MCPH1: variants seen among roughly 807,000 people sequenced by gnomAD.
MCPH1 encodes the protein microcephalin.
In MCPH1, 104 loss-of-function variants were observed where a neutral mutation model predicts 84.5. That is an observed-to-expected ratio of 1.23 (90% confidence interval 1.05 to 1.45). The LOEUF (loss-of-function observed/expected upper bound fraction) is 1.45, where lower values mean the gene tolerates loss of function less well. Among genes scored for constraint, MCPH1 ranks in the 40% most tolerant of loss-of-function variants. The pLI is 0.00. For missense variants in MCPH1, 1,498 were observed against 1,005.7 expected (o/e 1.49, Z -6.62); for synonymous variants, 514 against 366.8 (o/e 1.40, Z -4.58).
intron 12 of MCPH1, chr8:6,502,897 T>G (rs534595782): frequency 1.8e-6 from 1 of 565,562 alleles, no homozygotes; most frequent in Non-Finnish European, 3.1e-6. Flanking sequence ...TATGGATGTT[T>G]AGGGTCTTGC....
intron 12 of MCPH1, among the ~76,000 whole-genome samples, chr8:6,612,376 G>C (rs1830358965): frequency 6.6e-6 from 1 of 152,136 alleles, no homozygotes; most frequent in Non-Finnish European, 1.5e-5. Context: ...TTCTGCCCCA[G>C]CTGGAGAGTT....
intron 13 of MCPH1, among the ~76,000 whole-genome samples, chr8:6,639,632 C>A (rs1038693962): frequency 1.2e-4 from 18 of 150,824 alleles, no homozygotes; most frequent in African/African-American, 4.4e-4. Context: ...CACTGCACTC[C>A]AGTCTGGGCA....
At chr8:6,502,732 G>A (rs1195835687) in intron 12 of MCPH1, 2 of 230,552 alleles carry the variant, frequency 8.7e-6, no homozygotes, top group Non-Finnish European at 1.7e-5. Flanking sequence ...GTTCCAAGAT[G>A]ATCTGTATTG....
At chr8:6,517,271 C>T (rs1255613249) in intron 12 of MCPH1, among the ~76,000 whole-genome samples, 1 of 152,156 alleles carries the variant, frequency 6.6e-6, no homozygotes, top group East Asian at 1.9e-4. Context: ...AACCTGATAT[C>T]TTTCTATAAA....
intron 9 of MCPH1, among the ~76,000 whole-genome samples, chr8:6,456,294 G>C (rs749772848): frequency 6.6e-6 from 1 of 152,134 alleles, no homozygotes; most frequent in South Asian, 2.1e-4. Flanking sequence ...CTACAATGGC[G>C]TTGCGCACTG....
chr8:6,548,359 A>G (rs961843172), intron 12 of MCPH1, among the ~76,000 whole-genome samples: 3 of 152,202 alleles, frequency 2.0e-5, no homozygotes, highest in Admixed American at 6.5e-5. Flanking sequence ...TTCATGGGCA[A>G]GTCCATGCTA....
chr8:6,565,277 G>A (rs556785062), intron 12 of MCPH1, among the ~76,000 whole-genome samples: 14 of 152,278 alleles, frequency 9.2e-5, no homozygotes, highest in African/African-American at 2.9e-4. Context: ...CCATTAAATG[G>A]GGATCAGTTC....
At chr8:6,642,511 G>A (rs986154812) in intron 13 of MCPH1, among the ~76,000 whole-genome samples, 1 of 152,284 alleles carries the variant, frequency 6.6e-6, no homozygotes, top group East Asian at 1.9e-4. Context: ...TTATTCACTT[G>A]GAATTCCATA....
At chr8:6,530,324 G>T (rs2256628) in intron 12 of MCPH1, among the ~76,000 whole-genome samples, 1 of 151,780 alleles carries the variant, frequency 6.6e-6, no homozygotes, top group African/African-American at 2.4e-5. Context: ...CCTGGCCAAC[G>T]TGGTGAAACC....
rs757234842 is a variant in MCPH1, at chr8:6,445,432, A to G, written c.1710A>G (p.Ile570Met). 3.1e-6 allele frequency: 5 copies of G among 1,614,254 alleles called. No homozygotes were observed. In the South Asian group the frequency reaches 4.4e-5, roughly 14 times the overall value. Residue 570 changes from isoleucine to methionine, a missense_variant, in exon 8 of 14, where the codon ATA becomes ATG. By Grantham distance (10) the Ile-to-Met change is conservative (BLOSUM62 1). Coordinates refer to ENST00000344683, the MANE Select transcript of MCPH1 (RefSeq NM_024596.5). ...STQNKGTTSK[I>M]SNSSEGEAQS... Reference sequence around the variant, plus strand: ...AGAACAAAGGTACCACTTCCAAAATATCAAACTCCTCTGAAGGCGAAGCCC... The same window carrying G: ...AGAACAAAGGTACCACTTCCAAAATGTCAAACTCCTCTGAAGGCGAAGCCC...
chr8:6,611,799 T>C (rs1243440993), intron 12 of MCPH1, among the ~76,000 whole-genome samples: 1 of 152,158 alleles, frequency 6.6e-6, no homozygotes, highest in African/African-American at 2.4e-5. Context: ...TTTGTATTTT[T>C]AGCGGAGACG....
chr8:6,617,273 T>C (rs1317516984), intron 12 of MCPH1: 1 of 137,848 alleles, frequency 7.3e-6, no homozygotes, highest in African/African-American at 3.3e-5. Flanking sequence ...GGGGTGTTTT[T>C]TTTGTTTTTT....
At chr8:6,483,759 C>G (rs940526813) in intron 11 of MCPH1, among the ~76,000 whole-genome samples, 6 of 152,116 alleles carry the variant, frequency 3.9e-5, no homozygotes, top group Admixed American at 3.3e-4. Context: ...ACTCAGGAGG[C>G]TGAGGCACAA....
intron 12 of MCPH1, among the ~76,000 whole-genome samples, chr8:6,588,733 T>C (rs1828199098): frequency 6.6e-6 from 1 of 152,246 alleles, no homozygotes; most frequent in African/African-American, 2.4e-5. Flanking sequence ...TATTAGCCTC[T>C]CCATAGTTCT....
intron 12 of MCPH1, among the ~76,000 whole-genome samples, chr8:6,599,887 C>G (rs116594580): frequency 6.6e-6 from 1 of 152,118 alleles, no homozygotes; most frequent in African/African-American, 2.4e-5. Flanking sequence ...TGAGGGAAAC[C>G]AAAGAAAAAC....
intron 9 of MCPH1, among the ~76,000 whole-genome samples, chr8:6,465,041 C>A (rs1249068965): frequency 6.6e-6 from 1 of 151,844 alleles, no homozygotes; most frequent in African/African-American, 2.4e-5. Flanking sequence ...GCATTCTATG[C>A]ACTGAGCAAA....
At chr8:6,611,021 G>C (rs3020254) in intron 12 of MCPH1, among the ~76,000 whole-genome samples, 51,724 of 151,864 alleles carry the variant, frequency 0.34, 9,311 homozygotes, top group African/African-American at 0.45. Flanking sequence ...GCAAGCTGCA[G>C]GCAGAACTGT....
intron 5 of MCPH1, 120 bp downstream of exon 5, chr8:6,436,282 T>A: frequency 9.0e-7 from 1 of 1,116,936 alleles, no homozygotes; most frequent in Non-Finnish European, 1.3e-6. Flanking sequence ...AGCTTTACTC[T>A]ATGAAGGAGA....
chr8:6,626,539 A>G (rs915819350), intron 13 of MCPH1: 10 of 983,538 alleles, frequency 1.0e-5, no homozygotes, highest in Middle Eastern at 5.2e-4. Flanking sequence ...GGATAAAAAT[A>G]AACGGGAAAA....
Sources: allele counts gnomAD v4.1 joint callset (sites outside exome capture counted in the v4.1 genomes callset), GRCh38; gene constraint gnomAD v4.1.1; transcripts MANE v1.5; gene names NCBI Gene and HGNC (gene_info 2026-07-23, HGNC 2026-07-21).